Variants in DOCK7 observed in about 807,000 individuals in gnomAD.
DOCK7 encodes the protein dedicator of cytokinesis protein 7.
DOCK7 carries 138 observed loss-of-function variants against 271.0 expected under a neutral mutation model. The ratio of observed to expected loss-of-function variants is 0.51; its 90% CI spans 0.44 to 0.59. The LOEUF (loss-of-function observed/expected upper bound fraction) is 0.59. Ranked by LOEUF, DOCK7 falls within the 20% of genes least tolerant of loss-of-function variation. The pLI is 0.00. For synonymous variants in DOCK7, 823 were observed against 876.1 expected, an observed-to-expected ratio of 0.94 and a Z score of 1.07; for missense variants, 2,066 against 2,592.4, an observed-to-expected ratio of 0.80 and a Z score of 4.41.
chr1:62,687,925 C>CA (rs1398755417), intron 1 of DOCK7, among the ~76,000 whole-genome samples: 1 of 152,210 alleles, frequency 6.6e-6, no homozygotes, highest in African/African-American at 2.4e-5. Flanking sequence ...TAAACCTCCG[C>CA]AGAAGTCCAG....
intron 18 of DOCK7, among the ~76,000 whole-genome samples, chr1:62,568,466 A>C (rs201262863): frequency 1.7e-4 from 2 of 12,098 alleles, no homozygotes; most frequent in African/African-American, 3.5e-4. Flanking sequence ...ATGCCAGGCT[A>C]ATTTTTTTTT....
At chr1:62,486,766 T>C (rs973238533) in intron 43 of DOCK7, 1 of 152,140 alleles carries the variant, frequency 6.6e-6, no homozygotes, top group Admixed American at 6.5e-5. Context: ...TGAATTTCTT[T>C]CCTCAGTAGT....
chr1:62,602,700 T>C (rs1650332472), intron 14 of DOCK7, among the ~76,000 whole-genome samples: 1 of 151,666 alleles, frequency 6.6e-6, no homozygotes, highest in Admixed American at 6.6e-5. Flanking sequence ...TAGTAACTGT[T>C]ACAAATAAGC....
At chr1:62,615,309 T>C (rs1652304107) in intron 14 of DOCK7, among the ~76,000 whole-genome samples, 1 of 151,872 alleles carries the variant, frequency 6.6e-6, no homozygotes, top group Non-Finnish European at 1.5e-5. Context: ...CTGAGGATAC[T>C]CTTATACTAG....
intron 11 of DOCK7, among the ~76,000 whole-genome samples, chr1:62,626,023 T>C (rs1653907083): frequency 6.6e-6 from 1 of 151,962 alleles, no homozygotes; most frequent in African/African-American, 2.4e-5. Flanking sequence ...TTCAAAGAGA[T>C]TAAAATCATA....
chr1:62,587,299 T>TAAAA, intron 14 of DOCK7, among the ~76,000 whole-genome samples: 124 of 41,778 alleles, frequency 3.0e-3, no homozygotes, highest in South Asian at 5.5e-3. Flanking sequence ...ACCAAATAGC[T>TAAAA]AAAAAAAAAA....
chr1:62,617,941 A>G (rs1391919807), intron 14 of DOCK7, among the ~76,000 whole-genome samples: 1 of 152,076 alleles, frequency 6.6e-6, no homozygotes, highest in East Asian at 1.9e-4. Context: ...AGAAATCATA[A>G]TAATTCCAAA....
At chr1:62,506,746 G>C (rs1270534808) in intron 35 of DOCK7, among the ~76,000 whole-genome samples, 1 of 151,536 alleles carries the variant, frequency 6.6e-6, no homozygotes, top group South Asian at 2.1e-4. Flanking sequence ...TCAGGAGTTC[G>C]AGACCAGCCT....
At chr1:62,589,579 T>C (rs1487628870) in intron 14 of DOCK7, among the ~76,000 whole-genome samples, 2 of 152,008 alleles carry the variant, frequency 1.3e-5, no homozygotes, top group African/African-American at 4.8e-5. Flanking sequence ...GATTGGTCAC[T>C]GTTTCTAGAC....
Position 62,492,780 on chromosome 1 carries a change from C to A in DOCK7, c.5285G>T (p.Gly1762Val). 6.2e-7 allele frequency: 1 copy of A among 1,613,772 alleles called. No individual in the cohort carries two copies. Among genetic ancestry groups the A allele is most frequent in the Non-Finnish European group, 8.5e-7 (1 of 1,179,730 alleles). Residue 1762 changes from glycine (G) to valine (V), a missense_variant, in exon 41 of 50, where the codon GGT becomes GTT. Physicochemically the swap from Gly to Val is moderately radical, Grantham distance 109 (BLOSUM62 -3). Coordinates refer to ENST00000635253, the MANE Select transcript of DOCK7 (RefSeq NM_001367561.1). ...SDDVVSPDEE[G>V]ICSGKYFTES... ...AGTAAAGTATTTTCCAGAGCAGATACCTTCTTCATCTGGAGATACCACATC... is the reference window on the plus strand; with the variant it reads ...AGTAAAGTATTTTCCAGAGCAGATAACTTCTTCATCTGGAGATACCACATC...
chr1:62,672,099 TCCAATCC>T (rs527395153), intron 1 of DOCK7, among the ~76,000 whole-genome samples: 252 of 152,248 alleles, frequency 1.7e-3, no homozygotes, highest in Non-Finnish European at 2.7e-3. Flanking sequence ...CTCTGCCATC[TCCAATCC>T]CCAATCCCCA....
At chr1:62,531,094 TC>T (rs1645161202) in intron 29 of DOCK7, among the ~76,000 whole-genome samples, 1 of 152,234 alleles carries the variant, frequency 6.6e-6, no homozygotes, top group Non-Finnish European at 1.5e-5. Flanking sequence ...TTATATATTC[TC>T]TTCTCAGGAT....
At chr1:62,518,734 T>C (rs1644752119) in intron 31 of DOCK7, among the ~76,000 whole-genome samples, 1 of 151,746 alleles carries the variant, frequency 6.6e-6, no homozygotes, top group South Asian at 2.1e-4. Context: ...AGCAAGACCC[T>C]TTCTCAACAA....
chr1:62,601,226 A>G, intron 14 of DOCK7: 1 of 1,406,576 alleles, frequency 7.1e-7, no homozygotes, highest in Non-Finnish European at 1.0e-6. Flanking sequence ...TTCCTTCTTG[A>G]AGCTATTATT....
chr1:62,636,449 T>G, intron 8 of DOCK7, 88 bp downstream of exon 8: 1 of 999,132 alleles, frequency 1.0e-6, no homozygotes, highest in East Asian at 2.6e-5. Flanking sequence ...GTTTAACAGT[T>G]CTCAAAAAAA....
intron 48 of DOCK7, among the ~76,000 whole-genome samples, chr1:62,459,516 TAC>T (rs1344071423): frequency 1.3e-5 from 2 of 152,048 alleles, no homozygotes; most frequent in African/African-American, 4.8e-5. Context: ...GTTGGGATTG[TAC>T]AATTTACAAA....
At chr1:62,516,680 CATTAA>C (rs1265339551) in intron 31 of DOCK7, 1 of 152,180 alleles carries the variant, frequency 6.6e-6, no homozygotes, top group Non-Finnish European at 1.5e-5. Context: ...GGATTAACCT[CATTAA>C]ATTATTTTCC....
intron 29 of DOCK7, among the ~76,000 whole-genome samples, chr1:62,531,234 C>A (rs1383574053): frequency 6.6e-6 from 1 of 152,202 alleles, no homozygotes; most frequent in Admixed American, 6.5e-5. Flanking sequence ...CAAAGGTATG[C>A]CTTATCTCTC....
chr1:62,487,539 C>CATA, intron 42 of DOCK7, 127 bp from the exon 43 acceptor site: 1 of 777,012 alleles, frequency 1.3e-6, no homozygotes, highest in Non-Finnish European at 2.1e-6. Context: ...TTTTAAACAG[C>CATA]ATATTCATTT....
Sources: allele counts gnomAD v4.1 joint callset (sites outside exome capture counted in the v4.1 genomes callset), GRCh38; gene constraint gnomAD v4.1.1; transcripts MANE v1.5; gene names NCBI Gene and HGNC (gene_info 2026-07-23, HGNC 2026-07-21).